Variants in EIF4G3 observed in about 807,000 individuals in gnomAD.
EIF4G3 encodes the protein eukaryotic translation initiation factor 4 gamma 3.
EIF4G3 carries 34 observed loss-of-function variants against 186.4 expected under a neutral mutation model. That is an observed-to-expected ratio of 0.18 (90% confidence interval 0.14 to 0.24). The LOEUF is 0.24. EIF4G3 is among the 10% of genes least tolerant of loss of function. The probability of loss-of-function intolerance (pLI) is 1.00; values close to 1 mark genes in which losing one functional copy is unlikely to be tolerated. For synonymous variants in EIF4G3, 673 were observed against 679.5 expected (o/e 0.99, Z 0.15); for missense variants, 1,536 against 1,948.5 (o/e 0.79, Z 3.99).
At chr1:20,952,543 T>C (rs2096263434) in intron 12 of EIF4G3, among the ~76,000 whole-genome samples, 1 of 152,144 alleles carries the variant, frequency 6.6e-6, no homozygotes, top group Non-Finnish European at 1.5e-5. Context: ...TCATCTCTTC[T>C]CTCCTAAAGA....
chr1:20,822,912 T>G (rs980988726), intron 33 of EIF4G3, among the ~76,000 whole-genome samples: 1 of 152,202 alleles, frequency 6.6e-6, no homozygotes, highest in Non-Finnish European at 1.5e-5. Flanking sequence ...ATTGCCCTAA[T>G]TCTTAAAGGT....
chr1:21,008,347 T>C (rs2085924334), intron 4 of EIF4G3, among the ~76,000 whole-genome samples: 1 of 147,424 alleles, frequency 6.8e-6, no homozygotes, highest in East Asian at 2.0e-4. Flanking sequence ...TTTTTTTTTT[T>C]CTTCTTTGAG....
intron 2 of EIF4G3, among the ~76,000 whole-genome samples, chr1:21,158,998 A>C (rs2102913263): frequency 6.6e-6 from 1 of 151,172 alleles, no homozygotes; most frequent in East Asian, 1.9e-4. Flanking sequence ...CAAAAAAAGA[A>C]AAAAAAGAAA....
At chr1:20,905,687 G>T (rs1427821668) in intron 14 of EIF4G3, among the ~76,000 whole-genome samples, 1 of 152,184 alleles carries the variant, frequency 6.6e-6, no homozygotes, top group African/African-American at 2.4e-5. Flanking sequence ...ACAGAATCAT[G>T]GGTGTATAAG....
chr1:20,968,470 C>T (rs971099128), intron 12 of EIF4G3, among the ~76,000 whole-genome samples: 9 of 152,114 alleles, frequency 5.9e-5, no homozygotes, highest in Non-Finnish European at 1.0e-4. Context: ...CATGAGCCAA[C>T]GCGCCCGGCC....
chr1:21,024,458 G>C (rs180879476), intron 4 of EIF4G3, among the ~76,000 whole-genome samples: 1 of 152,146 alleles, frequency 6.6e-6, no homozygotes, highest in Non-Finnish European at 1.5e-5. Context: ...AGGGGGGAAA[G>C]GTGGGGAAAA....
intron 4 of EIF4G3, among the ~76,000 whole-genome samples, chr1:21,005,298 C>CG (rs2084752486): frequency 6.6e-6 from 1 of 152,090 alleles, no homozygotes. Context: ...ATCAAGTATT[C>CG]ATAAGGTCAT....
At chr1:21,152,452 TA>T (rs562452907) in intron 2 of EIF4G3, among the ~76,000 whole-genome samples, 177 of 139,342 alleles carry the variant, frequency 1.3e-3, no homozygotes, top group South Asian at 4.4e-3. Flanking sequence ...TTGCTAACAC[TA>T]AAAAAAAAAA....
chr1:21,004,808 AG>A (rs1185055147), intron 4 of EIF4G3, among the ~76,000 whole-genome samples: 3 of 152,100 alleles, frequency 2.0e-5, no homozygotes, highest in Admixed American at 6.5e-5. Flanking sequence ...TTTTTTAATG[AG>A]TTATAAAAAA....
rs191708752 is a variant in EIF4G3, at chr1:21,036,567, T to C, written c.-67+14299A>G. Among the ~76,000 whole-genome samples the C allele has an allele frequency of 1.3e-3, 198 of 152,322 alleles. 2 individuals are homozygous for C. Among genetic ancestry groups the C allele is most frequent in the Middle Eastern group, 0.01 (3 of 294 alleles). ...GGTATTTCTTTATACCTAGCCACCATACCATGTCTCTATATAAATGCTTAT... is the reference window on the plus strand; with the variant it reads ...GGTATTTCTTTATACCTAGCCACCACACCATGTCTCTATATAAATGCTTAT... On this transcript the variant is annotated intron_variant, in intron 4 of 36. Transcript: ENST00000602326.
chr1:20,887,564 G>C (rs931009746), intron 18 of EIF4G3, among the ~76,000 whole-genome samples: 4 of 151,706 alleles, frequency 2.6e-5, no homozygotes, highest in Non-Finnish European at 5.9e-5. Context: ...AAAAGTTAGG[G>C]TTTCTGCAAA....
chr1:21,174,243 T>C lies in EIF4G3; in HGVS notation c.-272+1932A>G, dbSNP rs76530120. Among the ~76,000 whole-genome samples the C allele has an allele frequency of 1.7e-3, 265 of 152,354 alleles. 2 individuals are homozygous for C. Among genetic ancestry groups the C allele is most frequent in the African/African-American group, 6.0e-3 (251 of 41,582 alleles). ...AATTTATCTCTTTAACAAGTGCTTT[T>C]TATTCAAAAGAAAATTAAGTTTCAG... On this transcript the variant is annotated intron_variant, in intron 2 of 36. Coordinates refer to ENST00000602326, the MANE Select transcript of EIF4G3 (RefSeq NM_001391906.1).
At position 21,140,823 on chromosome 1, in the gene EIF4G3, C is replaced by T. The variant is rs950963287; in HGVS notation, c.-272+35352G>A. 3.3e-5 allele frequency among the ~76,000 whole-genome samples: 5 copies of T among 152,252 alleles called. No homozygotes were observed. In the East Asian group the frequency reaches 5.8e-4, roughly 18 times the overall value. On this transcript the variant is annotated intron_variant, in intron 2 of 36. Transcript: ENST00000602326. ...TATAAACACTTTGAAGCTTCAATTA[C>T]GTTCTTCACTGAAGGAACTAAGAGC... is the stretch of plus-strand genomic sequence containing the variant.
chr1:21,071,267 C>A (rs2100335527), intron 3 of EIF4G3, among the ~76,000 whole-genome samples: 1 of 152,260 alleles, frequency 6.6e-6, no homozygotes, highest in Non-Finnish European at 1.5e-5. Flanking sequence ...ACAAAATTAG[C>A]CGGGCATGAC....
intron 13 of EIF4G3, among the ~76,000 whole-genome samples, chr1:20,946,488 A>G (rs774958683): frequency 3.3e-5 from 5 of 152,248 alleles, no homozygotes; most frequent in Non-Finnish European, 5.9e-5. Flanking sequence ...AAACAAATGT[A>G]AAATGGTAGA....
At chr1:21,012,891 G>GT in intron 4 of EIF4G3, among the ~76,000 whole-genome samples, 1 of 152,190 alleles carries the variant, frequency 6.6e-6, no homozygotes, top group East Asian at 1.9e-4. Flanking sequence ...GTGAGAAACC[G>GT]TGAGTTCCCC....
At chr1:21,092,888 G>A (rs894594723) in intron 2 of EIF4G3, among the ~76,000 whole-genome samples, 9 of 152,098 alleles carry the variant, frequency 5.9e-5, no homozygotes, top group African/African-American at 1.9e-4. Context: ...GGGAAAACTG[G>A]CTAGCCATAT....
At position 21,126,394 on chromosome 1, in the gene EIF4G3, C is replaced by A. The variant is rs75491617; in HGVS notation, c.-271-37181G>T. Among the ~76,000 whole-genome samples the A allele has an allele frequency of 1.3e-4, 20 of 152,010 alleles. No homozygotes were observed. In the East Asian group the frequency reaches 3.9e-3, roughly 29 times the overall value. ...GCTTAAGAGACTTAAACAAACATGT[C>A]AAGTCGAGGGAAACATTCCCATTAC... On this transcript the variant is annotated intron_variant, in intron 2 of 36. Coordinates refer to ENST00000602326, the MANE Select transcript of EIF4G3 (RefSeq NM_001391906.1).
chr1:21,139,241 G>T (rs1052710780), intron 2 of EIF4G3, among the ~76,000 whole-genome samples: 1 of 152,178 alleles, frequency 6.6e-6, no homozygotes, highest in Non-Finnish European at 1.5e-5. Context: ...GAAACTAAAA[G>T]AATATATCCA....
Sources: gnomAD v4.1 joint callset for allele counts (sites outside exome capture counted in the v4.1 genomes callset) on GRCh38, gnomAD v4.1.1 for gene constraint, MANE v1.5 for transcripts, NCBI Gene and HGNC (gene_info 2026-07-23, HGNC 2026-07-21) for gene names.